ITSN1: variants seen among roughly 807,000 people sequenced by gnomAD.
ITSN1 encodes intersectin 1.
ITSN1 carries 58 observed loss-of-function variants against 239.8 expected under a neutral mutation model. That is an observed-to-expected ratio of 0.24 (90% CI 0.20 to 0.30). The LOEUF (loss-of-function observed/expected upper bound fraction) is 0.30. Among genes scored for constraint, ITSN1 ranks in the 10% least tolerant of loss-of-function variants. The pLI is 1.00. For missense variants in ITSN1, 1,558 were observed against 2,103.3 expected, an observed-to-expected ratio of 0.74 and a Z score of 5.07; for synonymous variants, 780 against 770.8, an observed-to-expected ratio of 1.01 and a Z score of -0.20.
chr21:33,652,197 G>A lies in ITSN1; in HGVS notation c.-33+9484G>A, dbSNP rs79296943. Among the ~76,000 whole-genome samples, 963 of 152,276 alleles carry A rather than the reference G, an allele frequency of 6.3e-3. 30 individuals are homozygous for A. The South Asian group carries it at 0.084, about 13-fold the overall frequency. ...TTAGGGACCACGAGCACTGAAGGTGGCAGGACGGTCCAGGGCCAGTCAACC... is the reference window on the plus strand; with the variant it reads ...TTAGGGACCACGAGCACTGAAGGTGACAGGACGGTCCAGGGCCAGTCAACC... On this transcript the variant is annotated intron_variant, in intron 1 of 39. Transcript: ENST00000381318.
intron 35 of ITSN1, among the ~76,000 whole-genome samples, chr21:33,883,082 T>C (rs934185617): frequency 6.6e-6 from 1 of 152,202 alleles, no homozygotes; most frequent in African/African-American, 2.4e-5. Context: ...AAAAGAGCTA[T>C]GTAGTTATAT....
chr21:33,756,226 T>TG (rs2067901139), intron 8 of ITSN1, among the ~76,000 whole-genome samples: 1 of 147,288 alleles, frequency 6.8e-6, no homozygotes, highest in Admixed American at 7.0e-5. Flanking sequence ...GGGAGGCGGT[T>TG]GCAGTGAGTC....
intron 1 of ITSN1, among the ~76,000 whole-genome samples, chr21:33,664,627 C>T (rs1387381026): frequency 2.0e-5 from 3 of 152,190 alleles, no homozygotes; most frequent in African/African-American, 7.2e-5. Context: ...TTCTGTGCCT[C>T]AGTTTCCTCA....
chr21:33,655,967 A>G (rs1241154932), intron 1 of ITSN1, among the ~76,000 whole-genome samples: 2 of 152,116 alleles, frequency 1.3e-5, no homozygotes, highest in Non-Finnish European at 2.9e-5. Flanking sequence ...GGATTGTAGG[A>G]GAGAGAAGGA....
At chr21:33,868,599 C>T (rs866377925) in intron 33 of ITSN1, among the ~76,000 whole-genome samples, 4 of 152,214 alleles carry the variant, frequency 2.6e-5, no homozygotes, top group Admixed American at 1.3e-4. Context: ...CAGGGCCGGC[C>T]GGCTGCTCCG....
chr21:33,817,219 C>G, intron 22 of ITSN1: 7 of 1,294,298 alleles, frequency 5.4e-6, no homozygotes, highest in Non-Finnish European at 7.1e-6. Context: ...ATGCCTCACC[C>G]TGCCTTTCCA....
chr21:33,896,986 C>T lies in ITSN1; in HGVS notation c.*8686C>T, dbSNP rs1052076371. On this transcript the variant is annotated 3_prime_UTR_variant, in exon 40 of 40. Coordinates refer to ENST00000381318, the MANE Select transcript of ITSN1 (RefSeq NM_003024.3). ...TGTTTTCATGCGTCATGCAATCTTC[C>T]GGACTACGGGAAGTTCTGCAAGTGT... is the stretch of plus-strand genomic sequence containing the variant. The T allele has an allele frequency of 2.0e-5, 3 of 152,162 alleles. No individual in the cohort carries two copies. The highest frequency in any genetic ancestry group is 2.9e-5 in the Non-Finnish European group (2 of 68,030). The allele number at this position is 152,162 out of a possible 1,614,324, so 9.4% of individuals were successfully genotyped here. A position where few individuals can be genotyped will look rare whatever the true frequency, so the allele number is the denominator to read the frequency against.
intron 1 of ITSN1, among the ~76,000 whole-genome samples, chr21:33,643,162 G>C (rs1262296026): frequency 6.6e-6 from 1 of 151,756 alleles, no homozygotes; most frequent in Admixed American, 6.6e-5. Flanking sequence ...CGCGTTGGCG[G>C]GAGCGGCGCC....
chr21:33,762,039 G>A (rs2068371048), intron 9 of ITSN1, 53 bp downstream of exon 9: 3 of 1,313,458 alleles, frequency 2.3e-6, no homozygotes, highest in South Asian at 1.2e-5. Context: ...TGGTTAGATT[G>A]GTGTGGCCTC....
In ITSN1 at chr21:33,818,363, G is replaced by A. The variant is rs370969706; in HGVS notation, c.2824G>A (p.Val942Ile). The A allele has an allele frequency of 1.6e-5, 26 of 1,614,054 alleles. No homozygotes were observed. The highest frequency in any genetic ancestry group is 3.3e-4 in the Middle Eastern group (2 of 6,084). ...TTTTAACAAAAATGATGTCATCACCGTCCTGGAACAGCAAGACATGTGGTG... is the reference window on the plus strand; with the variant it reads ...TTTTAACAAAAATGATGTCATCACCATCCTGGAACAGCAAGACATGTGGTG... ...LNFNKNDVITVLEQQDMWWFG... is the reference protein window; with the variant it reads ...LNFNKNDVITILEQQDMWWFG... Residue 942 changes from valine to isoleucine, a missense_variant, in exon 23 of 40, where the codon GTC (valine) becomes ATC (isoleucine). Physicochemically the swap from Val to Ile is conservative, Grantham distance 29 (BLOSUM62 3). Coordinates refer to ENST00000381318, the MANE Select transcript of ITSN1 (RefSeq NM_003024.3).
intron 16 of ITSN1, among the ~76,000 whole-genome samples, chr21:33,790,152 C>T (rs2070997380): frequency 6.6e-6 from 1 of 151,934 alleles, no homozygotes; most frequent in Non-Finnish European, 1.5e-5. Flanking sequence ...CCCATATACC[C>T]CAAGTCTGCA....
chr21:33,831,455 G>C (rs1053307228), intron 27 of ITSN1, among the ~76,000 whole-genome samples: 1 of 152,200 alleles, frequency 6.6e-6, no homozygotes, highest in African/African-American at 2.4e-5. Context: ...TACCCAATCT[G>C]CTGGTATTTG....
chr21:33,858,850 C>T, intron 31 of ITSN1, 58 bp downstream of exon 31: 3 of 965,868 alleles, frequency 3.1e-6, no homozygotes, highest in East Asian at 4.9e-5. Flanking sequence ...CATGCACTCG[C>T]ACCTCTGTGG....
intron 29 of ITSN1, among the ~76,000 whole-genome samples, chr21:33,839,519 C>T (rs891018371): frequency 6.6e-6 from 1 of 152,166 alleles, no homozygotes; most frequent in African/African-American, 2.4e-5. Context: ...AGATCCTTCT[C>T]ACTGTCCCCC....
At position 33,811,070 on chromosome 21, in the gene ITSN1, A is replaced by G. The variant is rs761619503; in HGVS notation, c.2415A>G (p.Pro805=). The change falls in exon 21 of 40, where the codon CCA becomes CCG. Residue 805 remains proline, a synonymous_variant. Transcript: ENST00000381318. Reference sequence around the variant, plus strand: ...CTGCAAACTATGCAGAGAAAATCCCAGAAAATGAGGTTCCCGCTCCAGTGA... The same window carrying G: ...CTGCAAACTATGCAGAGAAAATCCCGGAAAATGAGGTTCCCGCTCCAGTGA... ...WFPANYAEKI[P]ENEVPAPVKP... 5.6e-6 allele frequency: 9 copies of G among 1,614,120 alleles called. No homozygotes were observed. The highest frequency in any genetic ancestry group is 1.1e-5 in the South Asian group (1 of 91,092).
At chr21:33,680,666 G>C (rs891141510) in intron 1 of ITSN1, among the ~76,000 whole-genome samples, 2 of 127,192 alleles carry the variant, frequency 1.6e-5, no homozygotes, top group African/African-American at 6.4e-5. Context: ...TTTAAGGAAG[G>C]TTCCAAATGT....
chr21:33,721,550 C>T (rs1347738150), intron 3 of ITSN1, among the ~76,000 whole-genome samples: 1 of 152,038 alleles, frequency 6.6e-6, no homozygotes, highest in Non-Finnish European at 1.5e-5. Context: ...AATCCCAGCA[C>T]TCTGGGAGGC....
At chr21:33,742,060 T>A (rs911195113) in intron 5 of ITSN1, among the ~76,000 whole-genome samples, 6 of 145,010 alleles carry the variant, frequency 4.1e-5, no homozygotes, top group Non-Finnish European at 7.6e-5. Flanking sequence ...TTTAAAATCT[T>A]TTTTTTTTTT....
chr21:33,772,429 A>G, intron 12 of ITSN1, 106 bp downstream of exon 12: 4 of 1,360,260 alleles, frequency 2.9e-6, no homozygotes, highest in Non-Finnish European at 4.0e-6. Flanking sequence ...ACAATTCAGT[A>G]GTTTTAGTAT....
Sources: gnomAD v4.1 joint callset for allele counts (sites outside exome capture counted in the v4.1 genomes callset) on GRCh38, gnomAD v4.1.1 for gene constraint, MANE v1.5 for transcripts, NCBI Gene and HGNC (gene_info 2026-07-23, HGNC 2026-07-21) for gene names.